Variants in ZFP57 observed in about 807,000 individuals in gnomAD.
ZFP57 encodes the protein zinc finger protein 57 homolog.
Under a neutral mutation model 15.8 loss-of-function variants are expected in ZFP57, and 12 were observed. That is an observed-to-expected ratio of 0.76 (90% CI 0.49 to 1.23). The LOEUF is 1.23. Ranked by LOEUF, ZFP57 falls within the 50% of genes most tolerant of loss-of-function variation. The pLI, the probability that ZFP57 is intolerant of heterozygous loss-of-function variation, is 0.00. For synonymous variants in ZFP57, 203 were observed against 242.3 expected, an observed-to-expected ratio of 0.84 and a Z score of 1.51; for missense variants, 536 against 654.9, an observed-to-expected ratio of 0.82 and a Z score of 1.98.
At position 29,673,480 on chromosome 6, in the gene ZFP57, A is replaced by T; in HGVS notation, c.631T>A (p.Leu211Met). The T allele has an allele frequency of 2.5e-6, 4 of 1,613,102 alleles. No homozygotes were observed. The South Asian group carries it at 4.4e-5, about 18-fold the overall frequency. ...LTNSCSQCGK[L>M]FRSPKSLSYH... is the part of the protein sequence containing the mutation. ...CTGAGGGACTTGGGGCTCCGAAACAACTTCCCACACTGACTGCAGCTGTTA... is the reference window on the plus strand; with the variant it reads ...CTGAGGGACTTGGGGCTCCGAAACATCTTCCCACACTGACTGCAGCTGTTA... Residue 211 changes from leucine to methionine, a missense_variant, in exon 5 of 5, where the codon TTG (leucine) becomes ATG (methionine). Transcript: ENST00000376883. The surrounding 1 kb of genome is among the most constrained non-coding windows in gnomAD (Gnocchi z 4.7).
intron 4 of ZFP57, among the ~76,000 whole-genome samples, chr6:29,674,149 GGAGAAGGAGAA>G (rs140161465): frequency 0.016 from 2,441 of 149,474 alleles, 45 homozygotes; most frequent in African/African-American, 0.039. Context: ...AGGAGAAGAA[GGAGAAGGAGAA>G]GAGAAGGAGA....
intron 3 of ZFP57, 66 bp from the exon 4 acceptor site, chr6:29,675,553 A>C: frequency 2.5e-6 from 3 of 1,205,908 alleles, no homozygotes; most frequent in Non-Finnish European, 3.7e-6. Context: ...TCTGATGGGG[A>C]CAACAGGCTA....
chr6:29,676,327 G>A (rs1335421652), intron 2 of ZFP57, among the ~76,000 whole-genome samples: 1 of 151,982 alleles, frequency 6.6e-6, no homozygotes, highest in African/African-American at 2.4e-5. Flanking sequence ...CACGAGGTCG[G>A]GAGTTCGAGA....
rs1444492534 is a variant in ZFP57, at chr6:29,675,472, T to C, written c.266A>G (p.His89Arg). ...NLTSVARIFLHKPELITKLEQ... is the reference protein window; with the variant it reads ...NLTSVARIFLRKPELITKLEQ... ...AAGCTTGGTGATTAGCTCTGGCTTA[T>C]GCAGAAAGATTCTGGCTGATGTGTG... The change falls in exon 4 of 5, where the codon CAT becomes CGT. Residue 89 changes from histidine to arginine, a missense_variant. Coordinates refer to ENST00000376883, the MANE Select transcript of ZFP57 (RefSeq NM_001109809.5). 5.0e-6 allele frequency: 8 copies of C among 1,614,018 alleles called. No homozygotes were observed. The highest frequency in any genetic ancestry group is 2.7e-5 in the African/African-American group (2 of 74,922).
chr6:29,672,674 C>T lies in ZFP57; in HGVS notation c.1437G>A (p.Leu479=). ...CATGAGAGAAGCCAAGCCACTGGCC[C>T]AGGATCACCCGGCATTTATGGTGGC... ...QSSHHKCRVI[L]GQWLGFSHDV... The change falls in exon 5 of 5, where the codon CTG becomes CTA. Residue 479 remains leucine (L), a synonymous_variant. Coordinates refer to ENST00000376883, the MANE Select transcript of ZFP57 (RefSeq NM_001109809.5). 6.2e-7 allele frequency: 1 copy of T among 1,612,006 alleles called. No individual in the cohort carries two copies. The highest frequency in any genetic ancestry group is 8.5e-7 in the Non-Finnish European group (1 of 1,179,160).
Position 29,673,205 on chromosome 6 carries a change from A to AGCCTG in ZFP57, c.901_905dup (p.Glu303ArgfsTer21). Reference sequence around the variant, plus strand: ...TTCTGGCGATGGGTGTCTGGAATTCAGCCTGGGTGCCTGGAATCCTCAAAG... The same window carrying AGCCTG: ...TTCTGGCGATGGGTGTCTGGAATTCAGCCTGGCCTGGGTGCCTGGAATCCTCAAAG... On this transcript the variant is annotated frameshift_variant, in exon 5 of 5. Transcript: ENST00000376883. LOFTEE classifies it low-confidence loss of function (END_TRUNC). This position sits in a 1 kb window ranked among gnomAD's most constrained non-coding sequence, Gnocchi z 4.7. 6.2e-7 allele frequency: 1 copy of AGCCTG among 1,612,994 alleles called. No individual in the cohort carries two copies.
intron 4 of ZFP57, among the ~76,000 whole-genome samples, chr6:29,674,846 T>G (rs1358055857): frequency 6.6e-6 from 1 of 152,140 alleles, no homozygotes; most frequent in African/African-American, 2.4e-5. Flanking sequence ...CATCTACTTC[T>G]CCTGAAAGAC....
intron 1 of ZFP57, among the ~76,000 whole-genome samples, chr6:29,677,726 T>A (rs924157244): frequency 6.6e-6 from 1 of 151,390 alleles, no homozygotes; most frequent in Admixed American, 6.6e-5. Context: ...AATGTGAGAA[T>A]AAAGGAGACA....
rs1241317973 is a variant in ZFP57 at position 29,672,857 on chromosome 6, G to C, written c.1254C>G (p.Ser418Arg). 1 of 1,613,128 alleles carries C rather than the reference G, an allele frequency of 6.2e-7. No homozygotes were observed. The highest frequency in any genetic ancestry group is 1.7e-5 in the Admixed American group (1 of 60,016). The change falls in exon 5 of 5, where the codon AGC (serine) becomes AGG (arginine). Residue 418 changes from serine to arginine, a missense_variant. Transcript: ENST00000376883. Reference protein sequence around the residue: ...TEPPNYCFHCSKSFSSFSRLV... With the variant: ...TEPPNYCFHCRKSFSSFSRLV... Reference sequence around the variant, plus strand: ...GCCTGGAAAATGAGCTGAAAGACTTGCTGCAATGGAAGCAGTAGTTGGGCG... The same window carrying C: ...GCCTGGAAAATGAGCTGAAAGACTTCCTGCAATGGAAGCAGTAGTTGGGCG...
rs770642322 is a variant in ZFP57 at position 29,673,156 on chromosome 6, A to G, written c.955T>C (p.Leu319=). The G allele has an allele frequency of 1.9e-6, 3 of 1,612,946 alleles. No homozygotes were observed. The highest frequency in any genetic ancestry group is 2.5e-6 in the Non-Finnish European group (3 of 1,180,004). ...ARSQRSIQGL[L]DVNHAPVARS... ...GCCACTGGTGCATGGTTCACATCCA[A>G]AAGCCCCTGGATGGACCTCTGGCTT... The change falls in exon 5 of 5, where the codon TTG becomes CTG. Residue 319 remains leucine, a synonymous_variant. Transcript: ENST00000376883. The surrounding 1 kb of genome is among the most constrained non-coding windows in gnomAD (Gnocchi z 4.7).
At chr6:29,679,779 G>C (rs1280867106) in intron 1 of ZFP57, among the ~76,000 whole-genome samples, 1 of 152,188 alleles carries the variant, frequency 6.6e-6, no homozygotes, top group Non-Finnish European at 1.5e-5. Context: ...AGCTACTAGG[G>C]AGGCTGAGGC....
rs181230141 is a variant in ZFP57 at position 29,673,410 on chromosome 6, G to A, written c.701C>T (p.Thr234Met). 6.6e-5 allele frequency: 107 copies of A among 1,613,040 alleles called. No individual in the cohort carries two copies. The highest frequency in any genetic ancestry group is 8.0e-5 in the Non-Finnish European group (94 of 1,180,032). ...ATCACAGTAGGTCTTGTCACAGAGCGTGCAACAGAAGGGCCTCTCCCCAAG... is the reference window on the plus strand; with the variant it reads ...ATCACAGTAGGTCTTGTCACAGAGCATGCAACAGAAGGGCCTCTCCCCAAG... ...MHLGERPFCC[T>M]LCDKTYCDAS... The change falls in exon 5 of 5, where the codon ACG becomes ATG. Residue 234 changes from threonine (T) to methionine (M), a missense_variant. Physicochemically the swap from Thr to Met is moderately conservative, Grantham distance 81. Coordinates refer to ENST00000376883, the MANE Select transcript of ZFP57 (RefSeq NM_001109809.5). This position sits in a 1 kb window ranked among gnomAD's most constrained non-coding sequence, Gnocchi z 4.7.
intron 3 of ZFP57, 32 bp downstream of exon 3, chr6:29,675,901 G>T (rs1452260961): frequency 6.2e-7 from 1 of 1,612,480 alleles, no homozygotes. Flanking sequence ...CCTTAGGACA[G>T]GGGGCTTGCT....
Position 29,673,113 on chromosome 6 carries a change from ATGGGTTCCTG to A in ZFP57, c.988_997del (p.Gln330TyrfsTer22). ...GGCCATAGGACCCTCAGTTCTAAAT[ATGGGTTCCTG>A]GGACCTGGCCACTGGTGCATGGTTC... On this transcript the variant is annotated frameshift_variant, in exon 5 of 5. Coordinates refer to ENST00000376883, the MANE Select transcript of ZFP57 (RefSeq NM_001109809.5). LOFTEE classifies it low-confidence loss of function (END_TRUNC). This position sits in a 1 kb window ranked among gnomAD's most constrained non-coding sequence, Gnocchi z 4.7. 6.2e-7 allele frequency: 1 copy of A among 1,612,884 alleles called. No individual in the cohort carries two copies. Among genetic ancestry groups the A allele is most frequent in the Non-Finnish European group, 8.5e-7 (1 of 1,180,000 alleles).
downstream of ZFP57, chr6:29,672,407 C>T (rs747831237): frequency 2.4e-5 from 33 of 1,397,080 alleles, no homozygotes; most frequent in East Asian, 3.2e-4. Context: ...TCCTTATCCA[C>T]GCACCTGTCT....
At chr6:29,680,440 T>A (rs954896029) in intron 1 of ZFP57, among the ~76,000 whole-genome samples, 1 of 152,184 alleles carries the variant, frequency 6.6e-6, no homozygotes, top group African/African-American at 2.4e-5. Flanking sequence ...ACCCTGCTAC[T>A]CCAGCCACGT....
chr6:29,676,099 T>TGTGTGTGTGTGTGTGTGG, intron 2 of ZFP57, 40 bp from the exon 3 acceptor site: 2 of 1,099,482 alleles, frequency 1.8e-6, no homozygotes, highest in Non-Finnish European at 2.5e-6. Context: ...TATATAAATA[T>TGTGTGTGTGTGTGTGTGG]ATATGTGTGT....
At chr6:29,676,769 T>C in intron 2 of ZFP57, 112 bp downstream of exon 2, 1 of 1,415,340 alleles carries the variant, frequency 7.1e-7, no homozygotes. Flanking sequence ...CTGGATGTCG[T>C]TCAGTCTGGA....
In ZFP57 at chr6:29,681,124, C is replaced by G. The variant is rs945130687; in HGVS notation, c.-426G>C. 2.0e-5 allele frequency: 3 copies of G among 152,234 alleles called. No homozygotes were observed. Among genetic ancestry groups the G allele is most frequent in the Non-Finnish European group, 4.4e-5 (3 of 68,110 alleles). The allele number at this position is 152,234 out of a possible 1,614,324, so 9.4% of individuals were successfully genotyped here. A position where few individuals can be genotyped will look rare whatever the true frequency, so the allele number is the denominator to read the frequency against. ...GTCTCCCGGGGACCAGCGGCTGGAG[C>G]GCTCCGGCCGAGCACCCGCAGTCCC... On this transcript the variant is annotated 5_prime_UTR_variant, in exon 1 of 5. Transcript: ENST00000376883.
Sources: gnomAD v4.1 joint callset for allele counts (sites outside exome capture counted in the v4.1 genomes callset) on GRCh38, gnomAD v4.1.1 for gene constraint, Gnocchi (gnomAD v3.1) non-coding constraint, MANE v1.5 for transcripts, NCBI Gene and HGNC (gene_info 2026-07-23, HGNC 2026-07-21) for gene names.